Variants in DOCK11 observed in about 807,000 individuals in gnomAD.
The protein encoded by DOCK11 is dedicator of cytokinesis protein 11.
In DOCK11, 70 loss-of-function variants were observed where a neutral mutation model predicts 169.1. The observed-to-expected ratio is 0.41, with a 90% CI of 0.34 to 0.51. The LOEUF (loss-of-function observed/expected upper bound fraction) is 0.51, where lower values mean the gene tolerates loss of function less well. Among genes scored for constraint, DOCK11 ranks in the 20% least tolerant of loss-of-function variants. The pLI is 0.10. For missense variants in DOCK11, 1,166 were observed against 1,538.8 expected, an observed-to-expected ratio of 0.76 and a Z score of 4.05; for synonymous variants, 529 against 541.3, an observed-to-expected ratio of 0.98 and a Z score of 0.32.
chrX:118,647,788 T>G (rs1161105321), intron 40 of DOCK11, among the ~76,000 whole-genome samples: 4 of 29,764 alleles, frequency 1.3e-4, no homozygotes, highest in African/African-American at 2.5e-4. Context: ...TAATATATAA[T>G]ATATTATAAT....
intron 1 of DOCK11, among the ~76,000 whole-genome samples, chrX:118,524,557 T>G (rs928946171): frequency 8.1e-5 from 9 of 111,452 alleles, no homozygotes; most frequent in African/African-American, 2.9e-4. Flanking sequence ...AAACTTGATT[T>G]AAGTCAGGCA....
In DOCK11 at chrX:118,580,135, T is replaced by C. The variant is rs745792281; in HGVS notation, c.1551T>C (p.Cys517=). 8.3e-7 allele frequency: 1 copy of C among 1,210,346 alleles called. No individual in the cohort carries two copies. The highest frequency in any genetic ancestry group is 1.1e-6 in the Non-Finnish European group (1 of 894,990). Residue 517 remains cysteine (C), a synonymous_variant, in exon 14 of 53, where the codon TGT becomes TGC. Coordinates refer to ENST00000276202, the MANE Select transcript of DOCK11 (RefSeq NM_144658.4). ...TGCACAGGACAGCTAAACAAGTGTG[T>C]AGCCGCCTTGGACAATACAGAATGC... is the stretch of plus-strand genomic sequence containing the variant. The part of the protein sequence containing the change: ...QKVHRTAKQV[C]SRLGQYRMPF...
intron 38 of DOCK11, among the ~76,000 whole-genome samples, chrX:118,640,721 A>G (rs2015508334): frequency 8.9e-6 from 1 of 112,450 alleles, no homozygotes; most frequent in Non-Finnish European, 1.9e-5. Context: ...TTGATACAGA[A>G]CTGTAATGAA....
chrX:118,637,058 C>G (rs2015409438), intron 36 of DOCK11, among the ~76,000 whole-genome samples: 1 of 112,371 alleles, frequency 8.9e-6, no homozygotes, highest in Non-Finnish European at 1.9e-5. Flanking sequence ...TCTACAAAAA[C>G]AAAGCATATC....
intron 31 of DOCK11, among the ~76,000 whole-genome samples, chrX:118,623,469 C>T (rs754289901): frequency 4.4e-5 from 5 of 112,545 alleles, no homozygotes; most frequent in Non-Finnish European, 7.5e-5. Flanking sequence ...TCATTCCTGC[C>T]TTCAGCAGGA....
intron 1 of DOCK11, among the ~76,000 whole-genome samples, chrX:118,508,386 T>C (rs756121626): frequency 8.9e-6 from 1 of 111,818 alleles, no homozygotes; most frequent in Admixed American, 9.5e-5. Flanking sequence ...GCCAGCTTTA[T>C]GCCTTGCAGG....
intron 1 of DOCK11, among the ~76,000 whole-genome samples, chrX:118,525,354 G>T (rs992310210): frequency 7.2e-5 from 8 of 111,488 alleles, no homozygotes; most frequent in Non-Finnish European, 1.1e-4. Flanking sequence ...AAAAAGGAAG[G>T]AAATTATGAC....
At chrX:118,599,074 G>A in intron 22 of DOCK11, 65 bp from the exon 23 acceptor site, 1 of 897,731 alleles carries the variant, frequency 1.1e-6, no homozygotes, top group Non-Finnish European at 1.6e-6. Flanking sequence ...GGAGGGAGAG[G>A]TAGAGAGCTT....
chrX:118,503,385 T>A (rs1298404590), intron 1 of DOCK11, among the ~76,000 whole-genome samples: 2 of 111,149 alleles, frequency 1.8e-5, no homozygotes, highest in African/African-American at 3.3e-5. Flanking sequence ...ACTGAGGCAA[T>A]GAGAATGGAG....
At chrX:118,546,264 A>C in intron 6 of DOCK11, 148 bp downstream of exon 6, 1 of 332,368 alleles carries the variant, frequency 3.0e-6, no homozygotes, top group Non-Finnish European at 5.0e-6. Context: ...TGGAATTTAA[A>C]AAATCTAAAA....
chrX:118,538,749 G>T (rs1192465579), intron 1 of DOCK11: 3 of 570,233 alleles, frequency 5.3e-6, no homozygotes, highest in Non-Finnish European at 6.4e-6. Context: ...ACCTTTGCAG[G>T]CCAATCAGTG....
At chrX:118,641,876 C>T (rs1026580586) in intron 39 of DOCK11, among the ~76,000 whole-genome samples, 4 of 111,358 alleles carry the variant, frequency 3.6e-5, no homozygotes, top group Non-Finnish European at 5.7e-5. Flanking sequence ...AATGTAAGAA[C>T]TCAAAGGTGA....
intron 12 of DOCK11, among the ~76,000 whole-genome samples, chrX:118,575,252 A>C (rs944167011): frequency 9.0e-6 from 1 of 111,432 alleles, no homozygotes; most frequent in Non-Finnish European, 1.9e-5. Context: ...TATGCTTATA[A>C]AAATTATATT....
intron 28 of DOCK11, among the ~76,000 whole-genome samples, chrX:118,613,801 G>A (rs753646915): frequency 8.9e-6 from 1 of 112,430 alleles, no homozygotes; most frequent in African/African-American, 3.2e-5. Flanking sequence ...CAGCCTGAGT[G>A]ACAGAGCAAG....
rs543731527 is a variant in DOCK11 at position 118,525,883 on chromosome X, G to C, written c.103-16842G>C. ...GGAATACATAAATCTTTAATGTTTT[G>C]ATTTGACCATGTTTCTTTTTAACTA... is the stretch of plus-strand genomic sequence containing the variant. On this transcript the variant is annotated intron_variant, in intron 1 of 52. Coordinates refer to ENST00000276202, the MANE Select transcript of DOCK11 (RefSeq NM_144658.4). Among the ~76,000 whole-genome samples, 64 of 111,538 alleles carry C rather than the reference G, an allele frequency of 5.7e-4. 2 individuals are homozygous for C. In the South Asian group the frequency reaches 0.024, roughly 42 times the overall value.
At chrX:118,525,865 A>T (rs2147325794) in intron 1 of DOCK11, among the ~76,000 whole-genome samples, 1 of 111,868 alleles carries the variant, frequency 8.9e-6, no homozygotes, top group South Asian at 3.7e-4. Flanking sequence ...TTTGGAATAC[A>T]TAAATCTTTA....
chrX:118,524,382 CTT>C (rs768518906), intron 1 of DOCK11, among the ~76,000 whole-genome samples: 22 of 111,726 alleles, frequency 2.0e-4, no homozygotes, highest in Non-Finnish European at 3.4e-4. Flanking sequence ...ATTACATTAA[CTT>C]TATTTGTCGG....
intron 24 of DOCK11, among the ~76,000 whole-genome samples, chrX:118,606,292 C>T (rs922274126): frequency 9.0e-6 from 1 of 111,349 alleles, no homozygotes; most frequent in Non-Finnish European, 1.9e-5. Flanking sequence ...TGGTCTCAAA[C>T]TCCTGATCTC....
In DOCK11 at chrX:118,590,335, A is replaced by G. The variant is rs747221703; in HGVS notation, c.2139+33A>G. On this transcript the variant is annotated intron_variant, in intron 19 of 52. Coordinates refer to ENST00000276202, the MANE Select transcript of DOCK11 (RefSeq NM_144658.4). ...TATATTATCCTGACATTTCTAAAAC[A>G]CAGTGGTTGGAATTCTTTTTCTCTT... is the stretch of plus-strand genomic sequence containing the variant. 2.0e-5 allele frequency: 21 copies of G among 1,055,052 alleles called. No individual in the cohort carries two copies. The South Asian group carries it at 3.2e-4, about 16-fold the overall frequency. The allele number at this position is 1,055,052 out of a possible 1,213,427, so 86.9% of individuals were successfully genotyped here.
Sources: allele counts gnomAD v4.1 joint callset (sites outside exome capture counted in the v4.1 genomes callset), GRCh38; gene constraint gnomAD v4.1.1; transcripts MANE v1.5; gene names NCBI Gene and HGNC (gene_info 2026-07-23, HGNC 2026-07-21).